The following LRRC4C variants were observed in gnomAD, a reference collection of about 807,000 sequenced individuals.
LRRC4C encodes the protein leucine-rich repeat-containing protein 4C.
A neutral mutation model predicts 33.6 loss-of-function variants in LRRC4C; 5 were observed. The ratio of observed to expected loss-of-function variants is 0.15; its 90% CI spans 0.08 to 0.31. The LOEUF is 0.31. Among genes scored for constraint, LRRC4C ranks in the 10% least tolerant of loss-of-function variants. The probability of loss-of-function intolerance (pLI) is 1.00; values close to 1 mark genes in which losing one functional copy is unlikely to be tolerated. For synonymous variants in LRRC4C, 329 were observed against 302.0 expected (o/e 1.09, Z -0.93); for missense variants, 560 against 796.7 (o/e 0.70, Z 3.58).
At chr11:40,621,926 T>G (rs1962496720) in intron 3 of LRRC4C, among the ~76,000 whole-genome samples, 1 of 151,778 alleles carries the variant, frequency 6.6e-6, no homozygotes, top group Non-Finnish European at 1.5e-5. Flanking sequence ...AGTTAAAGAC[T>G]TTGCCCCAGG....
chr11:40,550,573 A>G (rs1957092722), intron 3 of LRRC4C, among the ~76,000 whole-genome samples: 1 of 152,222 alleles, frequency 6.6e-6, no homozygotes, highest in Non-Finnish European at 1.5e-5. Flanking sequence ...GCAGAGAGAC[A>G]GATGGATGAA....
chr11:40,966,912 A>G (rs1409115233), intron 1 of LRRC4C, among the ~76,000 whole-genome samples: 2 of 152,002 alleles, frequency 1.3e-5, no homozygotes, highest in Non-Finnish European at 2.9e-5. Context: ...CAAAATGTTC[A>G]CAATTTAGTT....
chr11:41,025,889 G>A (rs1191708725), intron 1 of LRRC4C, among the ~76,000 whole-genome samples: 4 of 151,646 alleles, frequency 2.6e-5, no homozygotes, highest in African/African-American at 9.7e-5. Flanking sequence ...TCTGTTTACA[G>A]CATGGTTTAT....
chr11:40,558,295 G>T (rs1957408474), intron 3 of LRRC4C, among the ~76,000 whole-genome samples: 1 of 151,930 alleles, frequency 6.6e-6, no homozygotes, highest in Non-Finnish European at 1.5e-5. Context: ...CTACATAATT[G>T]GGCTGATCCT....
At chr11:40,316,436 A>G (rs919454219) in intron 4 of LRRC4C, among the ~76,000 whole-genome samples, 2 of 151,988 alleles carry the variant, frequency 1.3e-5, no homozygotes, top group African/African-American at 4.8e-5. Context: ...ACCTTTTGGA[A>G]GACAATAATT....
At chr11:41,146,118 T>C (rs1437958246) in intron 1 of LRRC4C, among the ~76,000 whole-genome samples, 1 of 152,168 alleles carries the variant, frequency 6.6e-6, no homozygotes, top group Non-Finnish European at 1.5e-5. Flanking sequence ...AGATTACAAA[T>C]TCTATTTTGC....
At chr11:40,554,575 G>C (rs1190754138) in intron 3 of LRRC4C, among the ~76,000 whole-genome samples, 1 of 151,986 alleles carries the variant, frequency 6.6e-6, no homozygotes, top group Non-Finnish European at 1.5e-5. Flanking sequence ...TAACAATACT[G>C]ATTCTTCCAA....
chr11:41,029,020 G>C (rs1294897131), intron 1 of LRRC4C, among the ~76,000 whole-genome samples: 1 of 151,628 alleles, frequency 6.6e-6, no homozygotes, highest in Non-Finnish European at 1.5e-5. Context: ...ATGCACTTAT[G>C]AAATACACTG....
intron 1 of LRRC4C, among the ~76,000 whole-genome samples, chr11:41,354,245 C>A (rs906872823): frequency 6.6e-6 from 1 of 151,828 alleles, no homozygotes; most frequent in African/African-American, 2.4e-5. Context: ...AAGCTAAGAG[C>A]GAAATCAAGA....
chr11:40,475,545 C>T (rs139573944), intron 3 of LRRC4C, among the ~76,000 whole-genome samples: 1 of 151,932 alleles, frequency 6.6e-6, no homozygotes, highest in Non-Finnish European at 1.5e-5. Context: ...CAAGTGTATA[C>T]CTCTGTAACA....
At chr11:40,836,966 A>C (rs1039951288) in intron 2 of LRRC4C, among the ~76,000 whole-genome samples, 2 of 152,130 alleles carry the variant, frequency 1.3e-5, no homozygotes, top group African/African-American at 4.8e-5. Context: ...ATGGCATCTC[A>C]CTAGTGACAT....
At chr11:40,780,621 T>A (rs757262571) in intron 2 of LRRC4C, among the ~76,000 whole-genome samples, 21 of 152,074 alleles carry the variant, frequency 1.4e-4, no homozygotes, top group Non-Finnish European at 2.6e-4. Flanking sequence ...GTAAAATAGA[T>A]ACAAAGGGTC....
chr11:41,370,111 T>G (rs1174273241), intron 1 of LRRC4C, among the ~76,000 whole-genome samples: 3 of 152,200 alleles, frequency 2.0e-5, no homozygotes, highest in African/African-American at 7.2e-5. Flanking sequence ...TTCTTTATAC[T>G]CACATTTCAG....
At chr11:41,001,808 C>T (rs1854403227) in intron 1 of LRRC4C, among the ~76,000 whole-genome samples, 1 of 151,874 alleles carries the variant, frequency 6.6e-6, no homozygotes, top group Admixed American at 6.6e-5. Flanking sequence ...AATCTCATTC[C>T]AAGGTTCAAA....
intron 2 of LRRC4C, among the ~76,000 whole-genome samples, chr11:40,911,580 A>G (rs1264958363): frequency 6.6e-6 from 1 of 152,164 alleles, no homozygotes; most frequent in Non-Finnish European, 1.5e-5. Flanking sequence ...TGCAGATAAA[A>G]CCACAAAGAT....
chr11:41,051,368 C>T (rs938142928), intron 1 of LRRC4C, among the ~76,000 whole-genome samples: 2 of 151,780 alleles, frequency 1.3e-5, no homozygotes, highest in Non-Finnish European at 2.9e-5. Context: ...CTTATTTTCA[C>T]TTACATAGAA....
intron 3 of LRRC4C, among the ~76,000 whole-genome samples, chr11:40,636,050 T>C (rs1434286082): frequency 6.6e-6 from 1 of 152,128 alleles, no homozygotes; most frequent in Admixed American, 6.5e-5. Context: ...TCATGCCCAG[T>C]GTGCTCTGAC....
chr11:41,341,555 A>G (rs892430818), intron 1 of LRRC4C, among the ~76,000 whole-genome samples: 1 of 152,058 alleles, frequency 6.6e-6, no homozygotes, highest in Non-Finnish European at 1.5e-5. Context: ...TTTACTAACC[A>G]CTTTCCCTAA....
intron 3 of LRRC4C, among the ~76,000 whole-genome samples, chr11:40,490,836 GGA>G (rs1228402767): frequency 6.6e-6 from 1 of 152,126 alleles, no homozygotes; most frequent in Admixed American, 6.6e-5. Context: ...AAAATAAACA[GGA>G]GAGTTTTTAT....
Sources: gnomAD v4.1 joint callset for allele counts (sites outside exome capture counted in the v4.1 genomes callset) on GRCh38, gnomAD v4.1.1 for gene constraint, MANE v1.5 for transcripts, NCBI Gene and HGNC (gene_info 2026-07-23, HGNC 2026-07-21) for gene names.